TEAD1: variants seen among roughly 807,000 people sequenced by gnomAD.
TEAD1 encodes TEA domain transcription factor 1.
TEAD1 carries 9 observed loss-of-function variants against 54.9 expected under a neutral mutation model. The ratio of observed to expected loss-of-function variants is 0.16; its 90% confidence interval spans 0.10 to 0.29. TEAD1 has a LOEUF of 0.29. Among genes scored for constraint, TEAD1 ranks in the 10% least tolerant of loss-of-function variants. The pLI, the probability that TEAD1 is intolerant of heterozygous loss-of-function variation, is 1.00. For missense variants in TEAD1, 387 were observed against 535.9 expected, an observed-to-expected ratio of 0.72 and a Z score of 2.74; for synonymous variants, 200 against 187.8, an observed-to-expected ratio of 1.07 and a Z score of -0.53.
chr11:12,914,607 G>A (rs993905197), intron 10 of TEAD1, among the ~76,000 whole-genome samples: 2 of 152,248 alleles, frequency 1.3e-5, no homozygotes, highest in Non-Finnish European at 2.9e-5. Flanking sequence ...AATGGGACTG[G>A]CTTCAAGGGT....
At chr11:12,909,477 G>A (rs1267317056) in intron 10 of TEAD1, among the ~76,000 whole-genome samples, 1 of 138,596 alleles carries the variant, frequency 7.2e-6, no homozygotes, top group Non-Finnish European at 1.5e-5. Flanking sequence ...TGAACAATGA[G>A]AACACAGGGA....
At chr11:12,856,842 G>A (rs1397704723) in intron 3 of TEAD1, among the ~76,000 whole-genome samples, 2 of 152,084 alleles carry the variant, frequency 1.3e-5, no homozygotes, top group Non-Finnish European at 2.9e-5. Flanking sequence ...ACTGGCCACG[G>A]CCAGGGAAGA....
At chr11:12,869,604 A>G (rs1160648647) in intron 5 of TEAD1, among the ~76,000 whole-genome samples, 1 of 152,186 alleles carries the variant, frequency 6.6e-6, no homozygotes, top group Non-Finnish European at 1.5e-5. Flanking sequence ...TTGTTGCAAA[A>G]TTTAAACAGT....
chr11:12,717,172 C>T (rs987181873), intron 2 of TEAD1, among the ~76,000 whole-genome samples: 12 of 152,278 alleles, frequency 7.9e-5, no homozygotes, highest in African/African-American at 2.2e-4. Context: ...CAGAGTGATT[C>T]GGGGCTAATA....
chr11:12,916,922 G>A (rs1948723882), intron 10 of TEAD1, among the ~76,000 whole-genome samples: 1 of 152,234 alleles, frequency 6.6e-6, no homozygotes, highest in Non-Finnish European at 1.5e-5. Context: ...TTGTGTTACA[G>A]AAGTGTTCTT....
intron 9 of TEAD1, among the ~76,000 whole-genome samples, chr11:12,897,146 TTTCTC>T (rs1948328957): frequency 6.7e-6 from 1 of 150,040 alleles, no homozygotes; most frequent in South Asian, 2.1e-4. Flanking sequence ...AAATGCCAGT[TTTCTC>T]TTATGAGTAT....
intron 2 of TEAD1, among the ~76,000 whole-genome samples, chr11:12,681,726 A>T (rs1395029087): frequency 2.0e-5 from 3 of 152,232 alleles, no homozygotes; most frequent in Admixed American, 6.5e-5. Context: ...TGTGGCAGGC[A>T]TGGGGGAAGC....
chr11:12,903,225 C>T (rs927334151), intron 10 of TEAD1, among the ~76,000 whole-genome samples: 1 of 152,142 alleles, frequency 6.6e-6, no homozygotes, highest in African/African-American at 2.4e-5. Flanking sequence ...AGGTTGGGTA[C>T]CTGGAGCTTG....
chr11:12,880,046 A>G (rs1205000683), intron 6 of TEAD1, among the ~76,000 whole-genome samples: 1 of 151,962 alleles, frequency 6.6e-6, no homozygotes, highest in Non-Finnish European at 1.5e-5. Context: ...AGGGAGGGGG[A>G]GGAGAAGGAG....
Position 12,937,482 on chromosome 11 carries a change from T to G in TEAD1, c.*260T>G. 6.0e-6 allele frequency: 2 copies of G among 335,270 alleles called. No individual in the cohort carries two copies. The highest frequency in any genetic ancestry group is 1.1e-5 in the Non-Finnish European group (2 of 177,646). The allele number at this position is 335,270 out of a possible 1,614,324, so 20.8% of individuals were successfully genotyped here. A position where few individuals can be genotyped will look rare whatever the true frequency, so the allele number is the denominator to read the frequency against. Reference sequence around the variant, plus strand: ...GTTGTTTCTCTATGTTCTTCAGATGTGCAGCCCACAATTCCTCGGGAAAGG... The same window carrying G: ...GTTGTTTCTCTATGTTCTTCAGATGGGCAGCCCACAATTCCTCGGGAAAGG... On this transcript the variant is annotated 3_prime_UTR_variant, in exon 13 of 13. Transcript: ENST00000527636.
intron 3 of TEAD1, among the ~76,000 whole-genome samples, chr11:12,771,376 C>A (rs936577815): frequency 7.2e-5 from 11 of 152,132 alleles, no homozygotes; most frequent in Admixed American, 3.3e-4. Flanking sequence ...ATGGCTGTTA[C>A]AGTAGTCCGG....
At chr11:12,723,257 C>T (rs779016803) in intron 2 of TEAD1, among the ~76,000 whole-genome samples, 4 of 152,092 alleles carry the variant, frequency 2.6e-5, no homozygotes, top group Non-Finnish European at 5.9e-5. Flanking sequence ...TGGTGCACAT[C>T]GTTTAATTGA....
chr11:12,747,313 A>T (rs1266853556), intron 2 of TEAD1, among the ~76,000 whole-genome samples: 1 of 152,022 alleles, frequency 6.6e-6, no homozygotes, highest in Non-Finnish European at 1.5e-5. Flanking sequence ...AATTATTATT[A>T]TTTTTTAATT....
At chr11:12,884,131 C>T (rs1333211934) in intron 9 of TEAD1, among the ~76,000 whole-genome samples, 4 of 152,110 alleles carry the variant, frequency 2.6e-5, no homozygotes, top group Non-Finnish European at 5.9e-5. Flanking sequence ...CCTACCTCCC[C>T]CACCCCCATC....
intron 10 of TEAD1, among the ~76,000 whole-genome samples, chr11:12,912,042 C>T (rs1211419437): frequency 6.6e-6 from 1 of 152,046 alleles, no homozygotes; most frequent in Non-Finnish European, 1.5e-5. Context: ...GGCACTCTGC[C>T]ACATTGCCAA....
chr11:12,768,987 G>C (rs137865502), intron 3 of TEAD1, among the ~76,000 whole-genome samples: 2 of 152,196 alleles, frequency 1.3e-5, no homozygotes, highest in Admixed American at 6.5e-5. Flanking sequence ...CAGATCACAA[G>C]CCTGGCCTCG....
chr11:12,843,709 A>G (rs1947086232), intron 3 of TEAD1, among the ~76,000 whole-genome samples: 1 of 152,234 alleles, frequency 6.6e-6, no homozygotes, highest in Admixed American at 6.5e-5. Flanking sequence ...GAAAAGAATA[A>G]AGTTTTAAAA....
chr11:12,719,012 G>T (rs80240488), intron 2 of TEAD1, among the ~76,000 whole-genome samples: 1 of 151,502 alleles, frequency 6.6e-6, no homozygotes, highest in African/African-American at 2.4e-5. Context: ...TTAGGGGGGG[G>T]AGTCCAAGGG....
intron 2 of TEAD1, among the ~76,000 whole-genome samples, chr11:12,700,139 T>A (rs1943666177): frequency 6.6e-6 from 1 of 152,236 alleles, no homozygotes. Context: ...TGCAAAGAAC[T>A]TTGTACCTTT....
Sources: gnomAD v4.1 joint callset for allele counts (sites outside exome capture counted in the v4.1 genomes callset) on GRCh38, gnomAD v4.1.1 for gene constraint, MANE v1.5 for transcripts, NCBI Gene and HGNC (gene_info 2026-07-23, HGNC 2026-07-21) for gene names.